Variants in SERPINI1 observed in about 807,000 individuals in gnomAD.
SERPINI1 encodes the protein serpin family I member 1, also known as neuroserpin.
Under a neutral mutation model 41.1 loss-of-function variants are expected in SERPINI1, and 19 were observed. The ratio of observed to expected loss-of-function variants is 0.46; its 90% CI spans 0.32 to 0.68. The LOEUF is 0.68. Among genes scored for constraint, SERPINI1 ranks in the 30% least tolerant of loss-of-function variants. SERPINI1 has a pLI of 0.03. For missense variants in SERPINI1, 460 were observed against 479.2 expected, an observed-to-expected ratio of 0.96 and a Z score of 0.37; for synonymous variants, 138 against 156.6, an observed-to-expected ratio of 0.88 and a Z score of 0.89.
chr3:167,782,525 G>T (rs988550588), intron 1 of SERPINI1, among the ~76,000 whole-genome samples: 1 of 152,018 alleles, frequency 6.6e-6, no homozygotes, highest in Non-Finnish European at 1.5e-5. Context: ...TATTTATTTG[G>T]CACCTACTAT....
intron 1 of SERPINI1, among the ~76,000 whole-genome samples, chr3:167,751,292 G>A (rs1000721374): frequency 9.2e-5 from 14 of 152,146 alleles, no homozygotes; most frequent in Non-Finnish European, 1.3e-4. Flanking sequence ...AGACTTCTGA[G>A]TTTGTCAGAA....
At chr3:167,786,685 G>C (rs1215095343) in intron 1 of SERPINI1, among the ~76,000 whole-genome samples, 1 of 151,892 alleles carries the variant, frequency 6.6e-6, no homozygotes, top group Non-Finnish European at 1.5e-5. Context: ...TATAAACACT[G>C]TATACTTTGG....
intron 1 of SERPINI1, among the ~76,000 whole-genome samples, chr3:167,761,742 G>A (rs547485798): frequency 2.0e-5 from 3 of 152,254 alleles, no homozygotes; most frequent in East Asian, 1.9e-4. Context: ...CACTTCTGGG[G>A]TGCAGCTCAG....
At chr3:167,792,378 TAC>T (rs1166026052) in intron 3 of SERPINI1, among the ~76,000 whole-genome samples, 5 of 116,882 alleles carry the variant, frequency 4.3e-5, no homozygotes, top group African/African-American at 1.8e-4. Flanking sequence ...TATATATATA[TAC>T]ACACACACAT....
intron 1 of SERPINI1, among the ~76,000 whole-genome samples, chr3:167,786,773 A>G (rs1727328899): frequency 6.6e-6 from 1 of 152,178 alleles, no homozygotes; most frequent in Admixed American, 6.5e-5. Flanking sequence ...TACTTTATAA[A>G]GTTTTAAATG....
chr3:167,764,002 T>C (rs1726473955), intron 1 of SERPINI1, among the ~76,000 whole-genome samples: 1 of 137,978 alleles, frequency 7.2e-6, no homozygotes, highest in African/African-American at 3.1e-5. Context: ...TATTGAATTA[T>C]ACTAGGATCT....
At chr3:167,786,815 C>T (rs1727330989) in intron 1 of SERPINI1, among the ~76,000 whole-genome samples, 1 of 151,930 alleles carries the variant, frequency 6.6e-6, no homozygotes, top group Non-Finnish European at 1.5e-5. Flanking sequence ...TTTGTAATGC[C>T]ACCACATCTG....
At chr3:167,778,610 G>A (rs1305507566) in intron 1 of SERPINI1, among the ~76,000 whole-genome samples, 25 of 152,158 alleles carry the variant, frequency 1.6e-4, no homozygotes, top group Admixed American at 1.6e-3. Flanking sequence ...ATATCTCAAA[G>A]ACAAGTCTTA....
intron 5 of SERPINI1, among the ~76,000 whole-genome samples, chr3:167,795,327 A>G (rs1284299640): frequency 6.6e-6 from 1 of 152,130 alleles, no homozygotes; most frequent in African/African-American, 2.4e-5. Context: ...TCTGCTCAAA[A>G]TTCTCCCTGT....
chr3:167,755,794 A>ATTTTT (rs34182780), intron 1 of SERPINI1, among the ~76,000 whole-genome samples: 7 of 119,222 alleles, frequency 5.9e-5, no homozygotes, highest in African/African-American at 1.3e-4. Context: ...GGTGTTGCTG[A>ATTTTT]TTTTTTTTTT....
chr3:167,807,678 C>T (rs1278106078), intron 6 of SERPINI1, among the ~76,000 whole-genome samples: 1 of 151,970 alleles, frequency 6.6e-6, no homozygotes, highest in Non-Finnish European at 1.5e-5. Flanking sequence ...CTCAATATGT[C>T]CCATTGTAGT....
At chr3:167,799,228 T>G (rs903988478) in intron 5 of SERPINI1, among the ~76,000 whole-genome samples, 6 of 152,096 alleles carry the variant, frequency 3.9e-5, no homozygotes, top group Admixed American at 1.3e-4. Context: ...GTGTGTGATG[T>G]TCCCTTCCTT....
chr3:167,752,547 A>G (rs566389573), intron 1 of SERPINI1, among the ~76,000 whole-genome samples: 4 of 152,138 alleles, frequency 2.6e-5, no homozygotes, highest in African/African-American at 9.6e-5. Context: ...TCTTCATTGC[A>G]ACCCCCATAG....
intron 6 of SERPINI1, among the ~76,000 whole-genome samples, chr3:167,818,094 C>T (rs182186268): frequency 2.9e-4 from 44 of 152,154 alleles, no homozygotes; most frequent in East Asian, 1.4e-3. Context: ...GGCATGTTCT[C>T]GGCTCACCGC....
chr3:167,792,843 A>G lies in SERPINI1; in HGVS notation c.676+59A>G, dbSNP rs1727577741. 3 of 1,397,572 alleles carry G rather than the reference A, an allele frequency of 2.1e-6. No individual in the cohort carries two copies. In the South Asian group the frequency reaches 3.5e-5, roughly 16 times the overall value. 86.6% of individuals were successfully genotyped at this position (1,397,572 alleles called of 1,614,324 possible). Reference sequence around the variant, plus strand: ...TGCAGAATATCAACAGATTTCTAAGAAAAACATGAAGCATTCATATTCAAA... The same window carrying G: ...TGCAGAATATCAACAGATTTCTAAGGAAAACATGAAGCATTCATATTCAAA... On this transcript the variant is annotated intron_variant, in intron 4 of 8. Transcript: ENST00000446050.
Position 167,759,400 on chromosome 3 carries a change from G to GCATATATATATATATATATATATA in SERPINI1, c.-19+23577_-19+23578insCATATATATATATATATATATATA, listed in dbSNP as rs1553771738. 6.1e-4 allele frequency among the ~76,000 whole-genome samples: 74 copies of GCATATATATATATATATATATATA among 121,146 alleles called. 1 individual carries two copies. The highest frequency in any genetic ancestry group is 1.8e-3 in the African/African-American group (58 of 32,910). 79.5% of individuals were successfully genotyped at this position (121,146 alleles called of 152,430 possible). A position where few individuals can be genotyped will look rare whatever the true frequency, so the allele number is the denominator to read the frequency against. Reference sequence around the variant, plus strand: ...ATCAACATTGGATAAAGAAAATGTGGTATATATATATATATATATATGCGC... The same window carrying GCATATATATATATATATATATATA: ...ATCAACATTGGATAAAGAAAATGTGGCATATATATATATATATATATATATATATATATATATATATATATGCGC... On this transcript the variant is annotated intron_variant, in intron 1 of 8. Transcript: ENST00000446050.
chr3:167,776,227 T>C (rs1166870972), intron 1 of SERPINI1, among the ~76,000 whole-genome samples: 1 of 152,258 alleles, frequency 6.6e-6, no homozygotes, highest in African/African-American at 2.4e-5. Context: ...TGCTGAGTTT[T>C]GTCTTAGGGC....
chr3:167,774,590 G>A (rs1019659771), intron 1 of SERPINI1, among the ~76,000 whole-genome samples: 11 of 152,072 alleles, frequency 7.2e-5, no homozygotes, highest in African/African-American at 2.7e-4. Context: ...GGTGAATGGT[G>A]GGCAAGCGAG....
At chr3:167,771,551 G>T (rs1726748069) in intron 1 of SERPINI1, among the ~76,000 whole-genome samples, 1 of 152,202 alleles carries the variant, frequency 6.6e-6, no homozygotes, top group Non-Finnish European at 1.5e-5. Context: ...GGAATGTGGG[G>T]AAGAGAATCT....
Sources: allele counts gnomAD v4.1 joint callset (sites outside exome capture counted in the v4.1 genomes callset), GRCh38; gene constraint gnomAD v4.1.1; transcripts MANE v1.5; gene names NCBI Gene and HGNC (gene_info 2026-07-23, HGNC 2026-07-21).